NCOA2: variants seen among roughly 807,000 people sequenced by gnomAD.
The protein encoded by NCOA2 is nuclear receptor coactivator 2, also known as class E basic helix-loop-helix protein 75.
Under a neutral mutation model 145.1 loss-of-function variants are expected in NCOA2, and 21 were observed. That is an observed-to-expected ratio of 0.14 (90% CI 0.10 to 0.21). The LOEUF (loss-of-function observed/expected upper bound fraction) is 0.21, where lower values mean the gene tolerates loss of function less well. NCOA2 is among the 10% of genes least tolerant of loss of function. NCOA2 has a pLI of 1.00. For synonymous variants in NCOA2, 619 were observed against 637.5 expected, an observed-to-expected ratio of 0.97 and a Z score of 0.44; for missense variants, 1,472 against 1,837.6, an observed-to-expected ratio of 0.80 and a Z score of 3.64.
At position 70,390,604 on chromosome 8, in the gene NCOA2, A is replaced by T. The variant is rs376561832; in HGVS notation, c.-77+13096T>A. On this transcript the variant is annotated intron_variant, in intron 1 of 22. Transcript: ENST00000452400. ...CATAGCAAGCCCTATCTCTATAGAG[A>T]AAAAAAAAAAAAATTAGTCGGACAT... Among the ~76,000 whole-genome samples, 28 of 131,874 alleles carry T rather than the reference A, an allele frequency of 2.1e-4. 2 individuals carry two copies. In the South Asian group the frequency reaches 6.2e-3, roughly 29 times the overall value. The allele number at this position is 131,874 out of a possible 152,430, so 86.5% of individuals were successfully genotyped here.
chr8:70,422,524 C>T, the NCOA2 span, among the ~76,000 whole-genome samples: 1 of 152,052 alleles, frequency 6.6e-6, no homozygotes, highest in African/African-American at 2.4e-5. Context: ...GATCCTCCCA[C>T]CTCAGCCTCC....
chr8:70,450,814 G>A, the NCOA2 span, among the ~76,000 whole-genome samples: 3 of 151,120 alleles, frequency 2.0e-5, no homozygotes, highest in South Asian at 2.1e-4. Context: ...TTACCCACCC[G>A]CCTTGGCCTC....
intron 1 of NCOA2, among the ~76,000 whole-genome samples, chr8:70,366,752 A>G (rs1484921074): frequency 6.6e-6 from 1 of 151,904 alleles, no homozygotes; most frequent in Non-Finnish European, 1.5e-5. Flanking sequence ...TAAAAAAAAA[A>G]AAAAAAGGTT....
At chr8:70,388,293 G>T (rs937394740) in intron 1 of NCOA2, among the ~76,000 whole-genome samples, 1 of 152,106 alleles carries the variant, frequency 6.6e-6, no homozygotes, top group Non-Finnish European at 1.5e-5. Flanking sequence ...CTTATTAAAG[G>T]TATATGTAAA....
At chr8:70,237,653 C>A (rs746022095) in intron 2 of NCOA2, among the ~76,000 whole-genome samples, 4 of 151,992 alleles carry the variant, frequency 2.6e-5, no homozygotes, top group Non-Finnish European at 2.9e-5. Flanking sequence ...CCCTGTAGTT[C>A]CACAAACCAG....
At chr8:70,164,196 G>A (rs758917944) in intron 7 of NCOA2, among the ~76,000 whole-genome samples, 4 of 152,120 alleles carry the variant, frequency 2.6e-5, no homozygotes, top group Non-Finnish European at 4.4e-5. Context: ...GGCTGTGGAC[G>A]GTTTCTCACA....
intron 2 of NCOA2, among the ~76,000 whole-genome samples, chr8:70,280,595 A>ATT (rs1452508860): frequency 2.6e-5 from 4 of 152,192 alleles, no homozygotes; most frequent in Non-Finnish European, 5.9e-5. Context: ...AGTGTTCATG[A>ATT]AATGTTACAA....
At chr8:70,408,794 ATT>A (rs1200870531), upstream of NCOA2, among the ~76,000 whole-genome samples, 1 of 87,106 alleles carries the variant, frequency 1.1e-5, no homozygotes, top group African/African-American at 4.8e-5. Flanking sequence ...TTTTTTTTGG[ATT>A]TTTTTTTTTT....
At chr8:70,452,410 T>A in the NCOA2 span, among the ~76,000 whole-genome samples, 1 of 152,096 alleles carries the variant, frequency 6.6e-6, no homozygotes, top group African/African-American at 2.4e-5. Flanking sequence ...CCCATGAGGA[T>A]AACTATAATC....
chr8:70,368,162 G>C (rs1007052711), intron 1 of NCOA2, among the ~76,000 whole-genome samples: 5 of 152,200 alleles, frequency 3.3e-5, no homozygotes, highest in African/African-American at 9.7e-5. Flanking sequence ...AAGTGTGCTG[G>C]CTTGGTCTGG....
intron 4 of NCOA2, among the ~76,000 whole-genome samples, chr8:70,177,616 A>G (rs901772433): frequency 6.6e-6 from 1 of 152,186 alleles, no homozygotes; most frequent in African/African-American, 2.4e-5. Context: ...TTTCCTAAAA[A>G]CTGGTCTTAA....
chr8:70,166,962 ATTTT>A (rs975331490), intron 6 of NCOA2, among the ~76,000 whole-genome samples: 1 of 151,130 alleles, frequency 6.6e-6, no homozygotes, highest in Non-Finnish European at 1.5e-5. Flanking sequence ...CTTTTTTCCA[ATTTT>A]TTTTTCTTTT....
intron 2 of NCOA2, among the ~76,000 whole-genome samples, chr8:70,292,847 G>C (rs552114229): frequency 2.0e-4 from 30 of 152,252 alleles, no homozygotes; most frequent in African/African-American, 7.0e-4. Context: ...AACAAGAAAA[G>C]AGTAAACTGC....
intron 1 of NCOA2, among the ~76,000 whole-genome samples, chr8:70,369,011 G>GA (rs202091634): frequency 2.5e-3 from 381 of 151,456 alleles, no homozygotes; most frequent in African/African-American, 8.1e-3. Context: ...CAAAAAAAAG[G>GA]AAAAAAAAGG....
At chr8:70,453,796 C>T in the NCOA2 span, among the ~76,000 whole-genome samples, 2 of 152,260 alleles carry the variant, frequency 1.3e-5, no homozygotes, top group South Asian at 4.1e-4. Context: ...TATTTGCCCT[C>T]AAAGACTTTA....
At chr8:70,143,786 A>G (rs904887112) in intron 13 of NCOA2, among the ~76,000 whole-genome samples, 1 of 152,210 alleles carries the variant, frequency 6.6e-6, no homozygotes, top group African/African-American at 2.4e-5. Flanking sequence ...CTACCACTAT[A>G]AGTTCTTCTT....
chr8:70,341,749 T>C (rs1808162214), intron 1 of NCOA2, among the ~76,000 whole-genome samples: 1 of 152,194 alleles, frequency 6.6e-6, no homozygotes, highest in Non-Finnish European at 1.5e-5. Context: ...TAACAAAATA[T>C]AACGGATAAG....
At chr8:70,268,673 A>C (rs1824805700) in intron 2 of NCOA2, among the ~76,000 whole-genome samples, 1 of 152,210 alleles carries the variant, frequency 6.6e-6, no homozygotes, top group South Asian at 2.1e-4. Context: ...TTAGGCCCCA[A>C]GAGCAAAAAC....
At chr8:70,383,789 G>C (rs1043267283) in intron 1 of NCOA2, among the ~76,000 whole-genome samples, 1 of 152,176 alleles carries the variant, frequency 6.6e-6, no homozygotes, top group Non-Finnish European at 1.5e-5. Flanking sequence ...ACAGGCGTGA[G>C]CCACCGTGCC....
Sources: allele counts gnomAD v4.1 joint callset (sites outside exome capture counted in the v4.1 genomes callset), GRCh38; gene constraint gnomAD v4.1.1; transcripts MANE v1.5; gene names NCBI Gene and HGNC (gene_info 2026-07-23, HGNC 2026-07-21).